KLHDC10: variants seen among roughly 807,000 people sequenced by gnomAD.
KLHDC10 encodes kelch domain containing 10, also known as kelch domain-containing protein 10.
KLHDC10 carries 24 observed loss-of-function variants against 56.1 expected under a neutral mutation model. The ratio of observed to expected loss-of-function variants is 0.43; its 90% CI spans 0.31 to 0.60. The LOEUF is 0.60. Among genes scored for constraint, KLHDC10 ranks in the 20% least tolerant of loss-of-function variants. The pLI is 0.11. For synonymous variants in KLHDC10, 188 were observed against 207.1 expected (o/e 0.91, Z 0.79); for missense variants, 349 against 567.0 (o/e 0.62, Z 3.91).
At chr7:130,079,660 TTG>T (rs562824946) in intron 1 of KLHDC10, among the ~76,000 whole-genome samples, 25 of 152,316 alleles carry the variant, frequency 1.6e-4, no homozygotes, top group African/African-American at 5.1e-4. Context: ...GTTTTTTTTA[TTG>T]TGTTATTTTT....
intron 1 of KLHDC10, among the ~76,000 whole-genome samples, chr7:130,074,069 C>G (rs779626301): frequency 2.0e-5 from 3 of 152,166 alleles, no homozygotes; most frequent in Non-Finnish European, 4.4e-5. Context: ...AACATGGCCT[C>G]AAAGGCACTG....
intron 9 of KLHDC10, among the ~76,000 whole-genome samples, chr7:130,129,820 G>A (rs1299726048): frequency 1.3e-5 from 2 of 152,112 alleles, no homozygotes; most frequent in East Asian, 1.9e-4. Context: ...GGCCCTGACC[G>A]TGATGTCAAA....
chr7:130,093,067 T>C (rs1459777099), intron 1 of KLHDC10, among the ~76,000 whole-genome samples: 1 of 151,988 alleles, frequency 6.6e-6, no homozygotes, highest in Non-Finnish European at 1.5e-5. Context: ...GTGAGCTTGC[T>C]CACACTGTGC....
At chr7:130,115,759 A>T (rs1796159251) in intron 2 of KLHDC10, among the ~76,000 whole-genome samples, 2 of 150,750 alleles carry the variant, frequency 1.3e-5, no homozygotes, top group South Asian at 4.2e-4. Flanking sequence ...AGACTTCAGG[A>T]CACTTTCAAA....
At chr7:130,073,854 C>A (rs1177785259) in intron 1 of KLHDC10, among the ~76,000 whole-genome samples, 1 of 152,110 alleles carries the variant, frequency 6.6e-6, no homozygotes, top group African/African-American at 2.4e-5. Context: ...TTTACCAAGT[C>A]CGTTTCTTTT....
At chr7:130,085,074 G>A (rs1414154694) in intron 1 of KLHDC10, among the ~76,000 whole-genome samples, 8 of 151,976 alleles carry the variant, frequency 5.3e-5, no homozygotes, top group Non-Finnish European at 7.4e-5. Context: ...AGCCAGGTGC[G>A]GTGGCTCATG....
intron 2 of KLHDC10, among the ~76,000 whole-genome samples, chr7:130,108,845 C>A (rs548445724): frequency 6.6e-6 from 1 of 152,142 alleles, no homozygotes; most frequent in African/African-American, 2.4e-5. Flanking sequence ...CCCTTCCCCC[C>A]TTTATACACA....
chr7:130,108,771 TC>T (rs1297157171), intron 2 of KLHDC10, among the ~76,000 whole-genome samples: 40 of 151,192 alleles, frequency 2.6e-4, no homozygotes, highest in Non-Finnish European at 4.9e-4. Context: ...GTCTCCTGTA[TC>T]CTTTACCCAG....
At chr7:130,110,444 G>A (rs955257929) in intron 2 of KLHDC10, among the ~76,000 whole-genome samples, 5 of 152,214 alleles carry the variant, frequency 3.3e-5, no homozygotes, top group African/African-American at 1.2e-4. Flanking sequence ...GGCCAGGCAT[G>A]GTGACTAACA....
chr7:130,130,479 T>A lies in KLHDC10; in HGVS notation c.1120-58T>A. ...TCTACTATGCTTTTTCCCCACTGAGTCTTCAGCCTTGTATGTTTCTCTCCC... is the reference window on the plus strand; with the variant it reads ...TCTACTATGCTTTTTCCCCACTGAGACTTCAGCCTTGTATGTTTCTCTCCC... On this transcript the variant is annotated intron_variant, in intron 9 of 9. Transcript: ENST00000335420. The surrounding 1 kb of genome is among the most constrained non-coding windows in gnomAD (Gnocchi z 4.2). 2 of 1,379,196 alleles carry A rather than the reference T, an allele frequency of 1.5e-6. No homozygotes were observed. Among genetic ancestry groups the A allele is most frequent in the Admixed American group, 3.4e-5 (2 of 59,408 alleles). The allele number at this position is 1,379,196 out of a possible 1,614,324, so 85.4% of individuals were successfully genotyped here. A position where few individuals can be genotyped will look rare whatever the true frequency, so the allele number is the denominator to read the frequency against.
chr7:130,108,589 G>A (rs1327825460), intron 2 of KLHDC10, among the ~76,000 whole-genome samples: 4 of 150,350 alleles, frequency 2.7e-5, no homozygotes, highest in East Asian at 3.9e-4. Context: ...GCGTGGTGGT[G>A]CGCGCCTGTG....
In KLHDC10 at chr7:130,122,109, T is replaced by G. The variant is rs1284792576; in HGVS notation, c.686T>G (p.Ile229Ser). The change falls in exon 5 of 10, where the codon ATT becomes AGT. Residue 229 changes from isoleucine (I) to serine (S), a missense_variant. Ile to Ser is a moderately radical substitution (Grantham distance 142). Around this residue, in one of 2 missense-constraint regions of KLHDC10, gnomAD observed 245 missense variants for 470.1 expected, o/e 0.52. Transcript: ENST00000335420. ...LYVFGGTTGYIYSTDLHKLDL... is the reference protein window; with the variant it reads ...LYVFGGTTGYSYSTDLHKLDL... ...GTCTTTGGAGGTACAACCGGCTATATTTACAGCACAGACCTGCACAAGTTA... is the reference window on the plus strand; with the variant it reads ...GTCTTTGGAGGTACAACCGGCTATAGTTACAGCACAGACCTGCACAAGTTA... 1 of 1,613,936 alleles carries G rather than the reference T, an allele frequency of 6.2e-7. No individual in the cohort carries two copies. Among genetic ancestry groups the G allele is most frequent in the Non-Finnish European group, 8.5e-7 (1 of 1,179,962 alleles).
intron 5 of KLHDC10, among the ~76,000 whole-genome samples, chr7:130,123,016 T>TGGATGGATGGATGG (rs1554467482): frequency 6.7e-6 from 1 of 148,932 alleles, no homozygotes; most frequent in African/African-American, 2.5e-5. Flanking sequence ...TAGATGGATG[T>TGGATGGATGGATGG]ATGGATGGAT....
chr7:130,125,388 A>G (rs1796300650), intron 6 of KLHDC10, among the ~76,000 whole-genome samples: 1 of 152,058 alleles, frequency 6.6e-6, no homozygotes, highest in Non-Finnish European at 1.5e-5. Flanking sequence ...TTAAAAACAC[A>G]AAAAATTAGC....
At chr7:130,100,314 G>A (rs528949051) in intron 2 of KLHDC10, among the ~76,000 whole-genome samples, 25 of 152,126 alleles carry the variant, frequency 1.6e-4, no homozygotes, top group South Asian at 4.2e-4. Context: ...TGTTCTGATG[G>A]CACCCTCCGT....
chr7:130,073,782 A>G lies in KLHDC10; in HGVS notation c.166+2973A>G, dbSNP rs563773683. On this transcript the variant is annotated intron_variant, in intron 1 of 9. Transcript: ENST00000335420. ...AGCTTCTTTATCCATCCAGTTATGC[A>G]AACTTGAAACTTGGTCATCCTCCTC... Among the ~76,000 whole-genome samples, 5 of 152,274 alleles carry G rather than the reference A, an allele frequency of 3.3e-5. No individual in the cohort carries two copies. In the East Asian group the frequency reaches 9.7e-4, roughly 29 times the overall value.
rs776147273 is a variant in KLHDC10, at chr7:130,122,237, C to G, written c.779+35C>G. On this transcript the variant is annotated intron_variant, in intron 5 of 9. Coordinates refer to ENST00000335420, the MANE Select transcript of KLHDC10 (RefSeq NM_014997.4). The stretch of plus-strand genomic sequence containing the variant: ...TAGGATTCAAGCATATTTATTCTTT[C>G]GTGCTAACATTTGACCTCTTTCAGA... 2.5e-6 allele frequency: 4 copies of G among 1,603,636 alleles called. No individual in the cohort carries two copies. In the African/African-American group the frequency reaches 5.4e-5, roughly 21 times the overall value.
intron 1 of KLHDC10, among the ~76,000 whole-genome samples, chr7:130,081,252 G>C (rs62491312): frequency 6.6e-6 from 1 of 151,926 alleles, no homozygotes; most frequent in African/African-American, 2.4e-5. Context: ...ACCCGCCTCG[G>C]CCTCCCAAAG....
intron 1 of KLHDC10, among the ~76,000 whole-genome samples, chr7:130,090,051 T>C (rs1312200682): frequency 1.3e-5 from 2 of 151,976 alleles, no homozygotes; most frequent in Non-Finnish European, 2.9e-5. Flanking sequence ...CTGGCTAATT[T>C]TGTATTTTTT....
Sources: gnomAD v4.1 joint callset for allele counts (sites outside exome capture counted in the v4.1 genomes callset) on GRCh38, gnomAD v4.1.1 for gene constraint, gnomAD v4.1.1 regional missense constraint, Gnocchi (gnomAD v3.1) non-coding constraint, MANE v1.5 for transcripts, NCBI Gene and HGNC (gene_info 2026-07-23, HGNC 2026-07-21) for gene names.